NRXN1: variants seen among roughly 807,000 people sequenced by gnomAD.
The protein encoded by NRXN1 is neurexin-1.
In NRXN1, 39 loss-of-function variants were observed where a neutral mutation model predicts 150.9. The observed-to-expected ratio is 0.26, with a 90% CI of 0.20 to 0.34. The LOEUF (loss-of-function observed/expected upper bound fraction) is 0.34. Ranked by LOEUF, NRXN1 falls within the 10% of genes least tolerant of loss-of-function variation. The pLI is 1.00. For synonymous variants in NRXN1, 924 were observed against 757.0 expected, an observed-to-expected ratio of 1.22 and a Z score of -3.62; for missense variants, 1,815 against 1,949.9, an observed-to-expected ratio of 0.93 and a Z score of 1.30.
intron 5 of NRXN1, among the ~76,000 whole-genome samples, chr2:50,766,025 A>T: frequency 6.6e-6 from 1 of 152,064 alleles, no homozygotes; most frequent in East Asian, 1.9e-4. Flanking sequence ...ATAATTAGAC[A>T]ATTAGAGCTC....
intron 18 of NRXN1, among the ~76,000 whole-genome samples, chr2:50,217,604 C>T (rs546526426): frequency 6.6e-6 from 1 of 151,934 alleles, no homozygotes; most frequent in African/African-American, 2.4e-5. Flanking sequence ...GATGGACAGA[C>T]CGAATTATAA....
At chr2:50,169,641 A>G (rs1321593196) in intron 18 of NRXN1, among the ~76,000 whole-genome samples, 4 of 148,158 alleles carry the variant, frequency 2.7e-5, no homozygotes. Flanking sequence ...TGAACCCAGG[A>G]GCGGAGGTTG....
chr2:50,053,250 G>C, intron 21 of NRXN1, 21 bp downstream of exon 21: 1 of 1,611,732 alleles, frequency 6.2e-7, no homozygotes, highest in South Asian at 1.1e-5. Context: ...GAAAATGAAG[G>C]AATAAAATCC....
intron 8 of NRXN1, among the ~76,000 whole-genome samples, chr2:50,564,482 T>G (rs962639334): frequency 2.6e-5 from 4 of 152,218 alleles, no homozygotes; most frequent in African/African-American, 9.6e-5. Context: ...CTCTACATTT[T>G]GACTTTATCT....
chr2:51,007,399 C>T (rs1667190127), intron 2 of NRXN1, among the ~76,000 whole-genome samples: 1 of 151,808 alleles, frequency 6.6e-6, no homozygotes, highest in Non-Finnish European at 1.5e-5. Context: ...TTTGGTGATA[C>T]AATATAGAAA....
chr2:50,419,209 G>A (rs1257809845), intron 17 of NRXN1, among the ~76,000 whole-genome samples: 4 of 152,046 alleles, frequency 2.6e-5, no homozygotes, highest in Admixed American at 2.6e-4. Flanking sequence ...ATGAACTGCA[G>A]GCTTAAATAA....
chr2:50,334,133 T>G (rs1238313236), intron 17 of NRXN1, among the ~76,000 whole-genome samples: 2 of 149,740 alleles, frequency 1.3e-5, no homozygotes, highest in Admixed American at 1.3e-4. Context: ...GCACTGTGTT[T>G]TCCAACTTAA....
At chr2:50,485,451 G>C (rs1192521996) in intron 15 of NRXN1, among the ~76,000 whole-genome samples, 1 of 152,228 alleles carries the variant, frequency 6.6e-6, no homozygotes, top group East Asian at 1.9e-4. Flanking sequence ...AGCTCTCAGA[G>C]GAGGGTCTCC....
At chr2:50,281,808 C>T (rs2071500120) in intron 17 of NRXN1, among the ~76,000 whole-genome samples, 1 of 152,090 alleles carries the variant, frequency 6.6e-6, no homozygotes, top group African/African-American at 2.4e-5. Context: ...TTTCAGTGCT[C>T]AAGAACAAAA....
At chr2:50,420,449 A>T (rs1285853077) in intron 17 of NRXN1, among the ~76,000 whole-genome samples, 1 of 151,852 alleles carries the variant, frequency 6.6e-6, no homozygotes, top group Non-Finnish European at 1.5e-5. Context: ...AACCAAGCAA[A>T]CAAAAATCAT....
intron 9 of NRXN1, among the ~76,000 whole-genome samples, chr2:50,549,790 G>C (rs1023951840): frequency 6.6e-6 from 1 of 152,072 alleles, no homozygotes; most frequent in African/African-American, 2.4e-5. Flanking sequence ...TAATTAATTA[G>C]ATTGCATCAA....
chr2:50,370,500 T>G (rs768155334), intron 17 of NRXN1, among the ~76,000 whole-genome samples: 1 of 151,814 alleles, frequency 6.6e-6, no homozygotes. Flanking sequence ...TATGTATCTA[T>G]AAAAAAAACA....
chr2:50,916,203 A>G (rs1039139668), intron 5 of NRXN1, among the ~76,000 whole-genome samples: 1 of 150,848 alleles, frequency 6.6e-6, no homozygotes, highest in Non-Finnish European at 1.5e-5. Context: ...TATGATAGTT[A>G]TTTTGGTTCA....
At chr2:50,482,060 G>A (rs1346037608) in intron 15 of NRXN1, among the ~76,000 whole-genome samples, 1 of 137,428 alleles carries the variant, frequency 7.3e-6, no homozygotes, top group African/African-American at 3.6e-5. Flanking sequence ...GAGCCACCGC[G>A]CCCGGCCGAA....
At chr2:50,911,801 T>C (rs1350565595) in intron 5 of NRXN1, among the ~76,000 whole-genome samples, 2 of 151,918 alleles carry the variant, frequency 1.3e-5, no homozygotes. Context: ...GATTTTTGTT[T>C]TGTCTTTTTG....
At chr2:50,975,850 G>A (rs189835260) in intron 2 of NRXN1, among the ~76,000 whole-genome samples, 64 of 152,172 alleles carry the variant, frequency 4.2e-4, no homozygotes, top group African/African-American at 1.5e-3. Context: ...TAACCCAAGA[G>A]CAGTCGAGGG....
In NRXN1 at chr2:50,923,261, T is replaced by A. The variant is rs535952158; in HGVS notation, c.791-574A>T. ...GGCTTGTTCAAATACAAAATGATCA[T>A]TAGACATGCAGTTGTAAAGCTAGAA... On this transcript the variant is annotated intron_variant, in intron 3 of 22. Transcript: ENST00000401669. 19 of 166,596 alleles carry A rather than the reference T, an allele frequency of 1.1e-4. No individual in the cohort carries two copies. The South Asian group carries it at 2.6e-3, about 23-fold the overall frequency. The allele number at this position is 166,596 out of a possible 1,614,324, so 10.3% of individuals were successfully genotyped here.
chr2:50,695,641 T>C (rs776545406), intron 5 of NRXN1, among the ~76,000 whole-genome samples: 1 of 152,168 alleles, frequency 6.6e-6, no homozygotes, highest in African/African-American at 2.4e-5. Context: ...GATTAAAATA[T>C]GTGAAATATG....
intron 19 of NRXN1, among the ~76,000 whole-genome samples, chr2:50,058,723 TG>T (rs1030560302): frequency 2.6e-5 from 4 of 152,100 alleles, no homozygotes; most frequent in African/African-American, 7.2e-5. Context: ...AATTGAATTA[TG>T]GGGGTGGGTT....
Sources: gnomAD v4.1 joint callset for allele counts (sites outside exome capture counted in the v4.1 genomes callset) on GRCh38, gnomAD v4.1.1 for gene constraint, MANE v1.5 for transcripts, NCBI Gene and HGNC (gene_info 2026-07-23, HGNC 2026-07-21) for gene names.